The following MCF2L variants were observed in gnomAD, a reference collection of about 807,000 sequenced individuals.
The protein encoded by MCF2L is guanine nucleotide exchange factor DBS.
Under a neutral mutation model 153.4 loss-of-function variants are expected in MCF2L, and 97 were observed. The ratio of observed to expected loss-of-function variants is 0.63; its 90% confidence interval spans 0.54 to 0.75. MCF2L has a LOEUF of 0.75. Ranked by LOEUF, MCF2L falls within the 30% of genes least tolerant of loss-of-function variation. The pLI is 0.00. For synonymous variants in MCF2L, 659 were observed against 632.2 expected, an observed-to-expected ratio of 1.04 and a Z score of -0.64; for missense variants, 1,347 against 1,495.2, an observed-to-expected ratio of 0.90 and a Z score of 1.64.
chr13:112,978,699 G>A (rs1043342319), intron 1 of MCF2L, among the ~76,000 whole-genome samples: 5 of 152,208 alleles, frequency 3.3e-5, no homozygotes, highest in South Asian at 2.1e-4. Flanking sequence ...AACCAGATGC[G>A]TGTTCTAATC....
At chr13:113,065,110 A>G in intron 7 of MCF2L, 25 bp downstream of exon 7, 1 of 1,433,530 alleles carries the variant, frequency 7.0e-7, no homozygotes, top group Middle Eastern at 1.9e-4. Flanking sequence ...CTCCGGCTGG[A>G]AGCTGTGGGG....
At chr13:112,991,920 C>T (rs993481454) in intron 1 of MCF2L, among the ~76,000 whole-genome samples, 2 of 152,206 alleles carry the variant, frequency 1.3e-5, no homozygotes, top group Admixed American at 1.3e-4. Flanking sequence ...TCTTACCCTC[C>T]CTAGTGATCT....
intron 21 of MCF2L, among the ~76,000 whole-genome samples, chr13:113,086,962 G>A (rs1294291930): frequency 1.3e-5 from 2 of 152,276 alleles, no homozygotes; most frequent in Non-Finnish European, 2.9e-5. Flanking sequence ...GGTTTGGACA[G>A]GCGTGTAACA....
intron 1 of MCF2L, among the ~76,000 whole-genome samples, chr13:113,005,555 G>T (rs2083638447): frequency 6.6e-6 from 1 of 151,842 alleles, no homozygotes; most frequent in South Asian, 2.1e-4. Context: ...GTTCTGGGTG[G>T]CTGTGGTCTG....
At chr13:113,085,403 A>G (rs958008877) in intron 20 of MCF2L, among the ~76,000 whole-genome samples, 5 of 152,196 alleles carry the variant, frequency 3.3e-5, no homozygotes, top group Non-Finnish European at 1.5e-5. Flanking sequence ...ATGGGTTGGC[A>G]CACAGCCCAG....
rs535782316 is a variant in MCF2L, at chr13:113,041,354, C to T, written c.279-3917C>T. Reference sequence around the variant, plus strand: ...GTGAGCAGATCCAGGTCCTGCCTCACGGTTTTGGGCAGTGCAGCCTCGGGA... The same window carrying T: ...GTGAGCAGATCCAGGTCCTGCCTCATGGTTTTGGGCAGTGCAGCCTCGGGA... On this transcript the variant is annotated intron_variant, in intron 3 of 29. Transcript: ENST00000535094. 6.6e-5 allele frequency among the ~76,000 whole-genome samples: 10 copies of T among 152,276 alleles called. No individual in the cohort carries two copies. In the East Asian group the frequency reaches 1.2e-3, roughly 18 times the overall value.
chr13:112,994,857 A>G (rs993739165), intron 1 of MCF2L, among the ~76,000 whole-genome samples: 8 of 152,168 alleles, frequency 5.3e-5, no homozygotes, highest in African/African-American at 1.7e-4. Flanking sequence ...CTGGGCTCAA[A>G]CCCAGGCCTG....
intron 1 of MCF2L, among the ~76,000 whole-genome samples, chr13:113,014,247 C>T (rs1444244479): frequency 2.0e-5 from 3 of 152,160 alleles, no homozygotes; most frequent in East Asian, 1.9e-4. Context: ...CGTCTAATGG[C>T]GAGGCCAGGG....
In MCF2L at chr13:113,051,786, C is replaced by T. The variant is rs376782327; in HGVS notation, c.369+6425C>T. Among the ~76,000 whole-genome samples, 7 of 152,288 alleles carry T rather than the reference C, an allele frequency of 4.6e-5. No individual in the cohort carries two copies. The East Asian group carries it at 1.2e-3, about 25-fold the overall frequency. On this transcript the variant is annotated intron_variant, in intron 4 of 29. Coordinates refer to ENST00000535094, the MANE Select transcript of MCF2L (RefSeq NM_001112732.3). ...CTCTTGCTGGTGGGTCCTGAGGCGA[C>T]GCGGGACCTCACCTGGCGAGGGGAG...
intron 2 of MCF2L, among the ~76,000 whole-genome samples, chr13:112,931,506 CGCTTA>C (rs2081463221): frequency 6.6e-6 from 1 of 152,142 alleles, no homozygotes; most frequent in South Asian, 2.1e-4. Context: ...TGTGAACTGA[CGCTTA>C]GCTTAGTGCA....
At chr13:112,970,039 C>T (rs1231230805) in intron 1 of MCF2L, among the ~76,000 whole-genome samples, 1 of 152,050 alleles carries the variant, frequency 6.6e-6, no homozygotes, top group Non-Finnish European at 1.5e-5. Context: ...TAGTTCAGAT[C>T]GATTCTTTTA....
intron 1 of MCF2L, among the ~76,000 whole-genome samples, chr13:112,998,862 C>T (rs1010298522): frequency 1.3e-5 from 2 of 152,196 alleles, no homozygotes; most frequent in African/African-American, 4.8e-5. Context: ...TGTTTCCCAT[C>T]TCCAGCCAGA....
At chr13:112,998,509 C>T (rs2083230514) in intron 1 of MCF2L, among the ~76,000 whole-genome samples, 1 of 152,146 alleles carries the variant, frequency 6.6e-6, no homozygotes, top group South Asian at 2.1e-4. Context: ...ACTGGGCTCC[C>T]AGGACGGGTC....
intron 26 of MCF2L, chr13:113,089,943 C>A (rs2142077379): frequency 6.3e-7 from 1 of 1,596,828 alleles, no homozygotes; most frequent in East Asian, 2.2e-5. Flanking sequence ...GCAAGGCCAG[C>A]CCCAGAAGGA....
intron 2 of MCF2L, among the ~76,000 whole-genome samples, chr13:112,930,152 G>A (rs1320257265): frequency 6.6e-6 from 1 of 152,150 alleles, no homozygotes; most frequent in African/African-American, 2.4e-5. Context: ...TACTTCCAAA[G>A]CTAAATGCAC....
chr13:112,940,136 G>A (rs2081560989), intron 2 of MCF2L, among the ~76,000 whole-genome samples: 1 of 152,050 alleles, frequency 6.6e-6, no homozygotes, highest in Non-Finnish European at 1.5e-5. Context: ...ATAATGTTGA[G>A]GTGCGTCAGT....
chr13:113,025,251 C>A (rs1245940934), intron 3 of MCF2L, among the ~76,000 whole-genome samples: 2 of 80,258 alleles, frequency 2.5e-5, no homozygotes, highest in South Asian at 3.8e-4. Context: ...GTGAGATTTC[C>A]CCGTCATGGG....
chr13:112,977,204 T>TAA (rs1262120770), intron 1 of MCF2L, among the ~76,000 whole-genome samples: 1 of 152,216 alleles, frequency 6.6e-6, no homozygotes, highest in Non-Finnish European at 1.5e-5. Context: ...TGATATGGAT[T>TAA]TCTTAACAGT....
intron 2 of MCF2L, among the ~76,000 whole-genome samples, chr13:112,961,007 A>G (rs1342440096): frequency 1.3e-5 from 2 of 152,072 alleles, no homozygotes; most frequent in Non-Finnish European, 2.9e-5. Context: ...GTGACCAGGC[A>G]TCAAAACACA....
Sources: allele counts gnomAD v4.1 joint callset (sites outside exome capture counted in the v4.1 genomes callset), GRCh38; gene constraint gnomAD v4.1.1; transcripts MANE v1.5; gene names NCBI Gene and HGNC (gene_info 2026-07-23, HGNC 2026-07-21).